The following STK24 variants were observed in gnomAD, a reference collection of about 807,000 sequenced individuals.
STK24 encodes serine/threonine kinase 24.
STK24 carries 21 observed loss-of-function variants against 55.6 expected under a neutral mutation model. The ratio of observed to expected loss-of-function variants is 0.38; its 90% CI spans 0.27 to 0.54. STK24 has a LOEUF of 0.54. Ranked by LOEUF, STK24 falls within the 20% of genes least tolerant of loss-of-function variation. STK24 has a pLI of 0.79. For missense variants in STK24, 383 were observed against 538.4 expected (o/e 0.71, Z 2.86); for synonymous variants, 200 against 215.2 (o/e 0.93, Z 0.62).
At chr13:98,576,080 G>A in intron 1 of STK24, 3 of 984,940 alleles carry the variant, frequency 3.0e-6, no homozygotes, top group Non-Finnish European at 3.6e-6. Flanking sequence ...GCCGGGCCCG[G>A]GACCCTGGTG....
chr13:98,518,970 A>G (rs535414995), intron 2 of STK24, among the ~76,000 whole-genome samples: 1 of 152,374 alleles, frequency 6.6e-6, no homozygotes, highest in East Asian at 1.9e-4. Context: ...ATAACTTAAT[A>G]AGAAACAGTT....
intron 1 of STK24, among the ~76,000 whole-genome samples, chr13:98,564,928 GC>G (rs1428692542): frequency 6.6e-6 from 1 of 152,138 alleles, no homozygotes; most frequent in Non-Finnish European, 1.5e-5. Context: ...CACATCCTCT[GC>G]CCCCAACAGG....
intron 2 of STK24, among the ~76,000 whole-genome samples, chr13:98,516,580 A>T (rs563018107): frequency 9.5e-4 from 145 of 152,332 alleles, no homozygotes; most frequent in African/African-American, 2.4e-3. Flanking sequence ...CCAGGAGAAC[A>T]TGAACAGAAA....
At chr13:98,479,854 C>T (rs909893097) in intron 3 of STK24, among the ~76,000 whole-genome samples, 2 of 152,116 alleles carry the variant, frequency 1.3e-5, no homozygotes, top group African/African-American at 4.8e-5. Flanking sequence ...TGAGAGCAGG[C>T]CAACAGAAAA....
intron 2 of STK24, among the ~76,000 whole-genome samples, chr13:98,495,680 AT>A (rs1423520254): frequency 1.3e-5 from 2 of 152,178 alleles, no homozygotes; most frequent in African/African-American, 4.8e-5. Flanking sequence ...AGAGAAAGGG[AT>A]CATAGTCCTT....
At chr13:98,526,626 T>C (rs989452350) in intron 1 of STK24, among the ~76,000 whole-genome samples, 1 of 152,244 alleles carries the variant, frequency 6.6e-6, no homozygotes, top group African/African-American at 2.4e-5. Flanking sequence ...CATGGCTGCA[T>C]TCAAGTTTAT....
chr13:98,528,073 C>T (rs72645189), intron 1 of STK24, among the ~76,000 whole-genome samples: 2 of 151,922 alleles, frequency 1.3e-5, no homozygotes, highest in African/African-American at 4.8e-5. Flanking sequence ...ATCAGGCTGA[C>T]CCCTGGGTTC....
At chr13:98,574,890 A>G (rs748816932) in intron 1 of STK24, among the ~76,000 whole-genome samples, 2 of 152,124 alleles carry the variant, frequency 1.3e-5, no homozygotes, top group Non-Finnish European at 2.9e-5. Flanking sequence ...GAGATACTAG[A>G]TATCACCTGG....
At chr13:98,562,689 G>A (rs182410033) in intron 1 of STK24, among the ~76,000 whole-genome samples, 51 of 152,280 alleles carry the variant, frequency 3.3e-4, no homozygotes, top group Admixed American at 2.9e-3. Context: ...GCCAAGGTGG[G>A]CAGATCACGA....
chr13:98,484,641 G>A (rs1314568294), intron 2 of STK24, among the ~76,000 whole-genome samples: 1 of 152,130 alleles, frequency 6.6e-6, no homozygotes, highest in Non-Finnish European at 1.5e-5. Flanking sequence ...ATCTGACCAC[G>A]AAGGTACGTC....
chr13:98,550,479 T>A (rs1307273072), intron 1 of STK24, among the ~76,000 whole-genome samples: 2 of 152,166 alleles, frequency 1.3e-5, no homozygotes, highest in African/African-American at 2.4e-5. Context: ...CAGTGAGCCA[T>A]GATCACACCA....
chr13:98,527,581 C>T (rs1231141857), intron 1 of STK24, among the ~76,000 whole-genome samples: 1 of 152,222 alleles, frequency 6.6e-6, no homozygotes, highest in African/African-American at 2.4e-5. Flanking sequence ...CCACCGGCAC[C>T]CCCTTCCCCA....
chr13:98,518,656 C>G (rs1029127167), intron 2 of STK24, among the ~76,000 whole-genome samples: 2 of 152,294 alleles, frequency 1.3e-5, no homozygotes, highest in African/African-American at 4.8e-5. Flanking sequence ...ATCAGAAAAA[C>G]ATTTTTAATA....
chr13:98,548,689 T>C (rs988578598), intron 1 of STK24, among the ~76,000 whole-genome samples: 14 of 151,790 alleles, frequency 9.2e-5, no homozygotes, highest in African/African-American at 2.7e-4. Context: ...TGGCGAAACT[T>C]TGTCTCTACT....
chr13:98,509,433 T>A (rs1347147723), intron 2 of STK24, among the ~76,000 whole-genome samples: 1 of 152,048 alleles, frequency 6.6e-6, no homozygotes, highest in Non-Finnish European at 1.5e-5. Flanking sequence ...GAAACCTTCA[T>A]TCACTACCAT....
intron 9 of STK24, among the ~76,000 whole-genome samples, chr13:98,459,029 ATAAT>A (rs545101750): frequency 1.3e-5 from 2 of 152,334 alleles, no homozygotes; most frequent in East Asian, 3.9e-4. Context: ...TATGTCCTGA[ATAAT>A]TATGTCAAAG....
At chr13:98,468,576 G>T (rs565523371) in intron 5 of STK24, among the ~76,000 whole-genome samples, 2 of 152,294 alleles carry the variant, frequency 1.3e-5, no homozygotes, top group African/African-American at 4.8e-5. Context: ...TGTGGCAGCG[G>T]TTCTCCACAC....
intron 2 of STK24, among the ~76,000 whole-genome samples, chr13:98,516,225 A>T (rs1005770749): frequency 2.0e-5 from 3 of 152,228 alleles, no homozygotes; most frequent in Non-Finnish European, 4.4e-5. Flanking sequence ...TATGTAGCCA[A>T]ATAAGACAAT....
At chr13:98,500,216 C>G (rs1446839233) in intron 2 of STK24, among the ~76,000 whole-genome samples, 4 of 152,170 alleles carry the variant, frequency 2.6e-5, no homozygotes, top group African/African-American at 9.6e-5. Flanking sequence ...TAAAAACAAA[C>G]ATTTTAAGAA....
Sources: gnomAD v4.1 joint callset for allele counts (sites outside exome capture counted in the v4.1 genomes callset) on GRCh38, gnomAD v4.1.1 for gene constraint, MANE v1.5 for transcripts, NCBI Gene and HGNC (gene_info 2026-07-23, HGNC 2026-07-21) for gene names.